Variants in PAM observed in about 807,000 individuals in gnomAD.
The protein encoded by PAM is peptidyl-glycine alpha-amidating monooxygenase.
In PAM, 72 loss-of-function variants were observed where a neutral mutation model predicts 122.1. That is an observed-to-expected ratio of 0.59 (90% CI 0.49 to 0.72). PAM has a LOEUF of 0.72. PAM is among the 30% of genes least tolerant of loss of function. The pLI is 0.00. For synonymous variants in PAM, 389 were observed against 404.4 expected (o/e 0.96, Z 0.46); for missense variants, 1,106 against 1,183.7 (o/e 0.93, Z 0.96).
chr5:102,992,355 TTC>T (rs1491386301), intron 16 of PAM, among the ~76,000 whole-genome samples: 1 of 152,236 alleles, frequency 6.6e-6, no homozygotes, highest in South Asian at 2.1e-4. Context: ...CTATTTTTTT[TTC>T]TCTCTTTCCT....
At chr5:102,857,959 C>T (rs1253559314) in intron 1 of PAM, among the ~76,000 whole-genome samples, 1 of 152,150 alleles carries the variant, frequency 6.6e-6, no homozygotes, top group Admixed American at 6.6e-5. Flanking sequence ...CTGGAGTCAG[C>T]AGGCTAGGAT....
At chr5:102,888,951 G>A (rs192097961) in intron 3 of PAM, among the ~76,000 whole-genome samples, 82 of 151,888 alleles carry the variant, frequency 5.4e-4, no homozygotes, top group African/African-American at 1.9e-3. Context: ...AATGTAAAAG[G>A]GGGACAGATT....
In PAM at chr5:102,799,471, C is replaced by T. The variant is rs1429234049; in HGVS notation, c.-374+44123C>T. 2.6e-5 allele frequency among the ~76,000 whole-genome samples: 4 copies of T among 152,194 alleles called. No individual in the cohort carries two copies. The East Asian group carries it at 7.7e-4, about 29-fold the overall frequency. On this transcript the variant is annotated intron_variant, in intron 1 of 25. Transcript: ENST00000438793. ...GGAACATTGTCTCCAGAGTTGGATA[C>T]ACCCAATCAGTTTTAACTATTTCAA... is the stretch of plus-strand genomic sequence containing the variant.
At chr5:102,770,737 T>C (rs1755523684) in intron 1 of PAM, among the ~76,000 whole-genome samples, 1 of 152,144 alleles carries the variant, frequency 6.6e-6, no homozygotes, top group African/African-American at 2.4e-5. Context: ...ATGAATGATC[T>C]TTATTTGCTA....
At chr5:102,800,117 C>G (rs1764308604) in intron 1 of PAM, among the ~76,000 whole-genome samples, 1 of 152,224 alleles carries the variant, frequency 6.6e-6, no homozygotes, top group East Asian at 1.9e-4. Context: ...TCCAGCCACA[C>G]TGGGCTTCCT....
intron 16 of PAM, among the ~76,000 whole-genome samples, chr5:102,993,680 C>T (rs1258205792): frequency 3.3e-5 from 5 of 152,076 alleles, no homozygotes; most frequent in Non-Finnish European, 5.9e-5. Flanking sequence ...AGCCCAATTA[C>T]ATCATCAGGA....
chr5:103,014,075 T>G (rs1164093320), intron 21 of PAM, among the ~76,000 whole-genome samples: 2 of 152,210 alleles, frequency 1.3e-5, no homozygotes, highest in Non-Finnish European at 1.5e-5. Context: ...TTGAACTAAC[T>G]TCCTCATATC....
At chr5:103,000,667 C>T (rs973707288) in intron 16 of PAM, among the ~76,000 whole-genome samples, 1 of 152,136 alleles carries the variant, frequency 6.6e-6, no homozygotes, top group South Asian at 2.1e-4. Flanking sequence ...AGGAAACTTA[C>T]AATCAGGCAG....
At chr5:102,839,341 A>G (rs1430095843) in intron 1 of PAM, among the ~76,000 whole-genome samples, 1 of 152,010 alleles carries the variant, frequency 6.6e-6, no homozygotes, top group African/African-American at 2.4e-5. Context: ...TTTGAAATGC[A>G]TTTAGAGGCT....
intron 14 of PAM, among the ~76,000 whole-genome samples, chr5:102,971,695 G>A (rs186675867): frequency 4.0e-4 from 61 of 152,284 alleles, no homozygotes; most frequent in African/African-American, 1.4e-3. Flanking sequence ...ATTGAGAGAT[G>A]ACACAGGGGT....
At chr5:102,765,032 C>A in intron 1 of PAM, among the ~76,000 whole-genome samples, 1 of 152,226 alleles carries the variant, frequency 6.6e-6, no homozygotes, top group South Asian at 2.1e-4. Context: ...CCATCACTTC[C>A]TTCAAGAGTT....
intron 1 of PAM, among the ~76,000 whole-genome samples, chr5:102,817,112 T>C (rs1770117794): frequency 6.6e-6 from 1 of 152,174 alleles, no homozygotes; most frequent in Non-Finnish European, 1.5e-5. Context: ...TGCTGTTTTC[T>C]TCCTCTTTTT....
At chr5:102,856,559 T>G (rs1337356173) in intron 1 of PAM, among the ~76,000 whole-genome samples, 1 of 152,190 alleles carries the variant, frequency 6.6e-6, no homozygotes, top group Non-Finnish European at 1.5e-5. Context: ...GGAAGCAACA[T>G]TTGTATTAGT....
At chr5:102,822,572 A>C (rs1457826417) in intron 1 of PAM, among the ~76,000 whole-genome samples, 4 of 151,776 alleles carry the variant, frequency 2.6e-5, no homozygotes, top group Admixed American at 2.0e-4. Flanking sequence ...TTTTCTCCTC[A>C]TCAACCTTAT....
chr5:102,817,620 T>C (rs1207507706), intron 1 of PAM, among the ~76,000 whole-genome samples: 4 of 152,130 alleles, frequency 2.6e-5, no homozygotes, highest in Non-Finnish European at 4.4e-5. Context: ...TTTTATTGGA[T>C]GGCACTATCA....
At chr5:102,903,792 G>T (rs1340710983) in intron 4 of PAM, among the ~76,000 whole-genome samples, 1 of 151,604 alleles carries the variant, frequency 6.6e-6, no homozygotes, top group African/African-American at 2.4e-5. Context: ...TACAAAGGGA[G>T]AAATGAGCAA....
intron 1 of PAM, among the ~76,000 whole-genome samples, chr5:102,817,971 G>T (rs147250191): frequency 1.4e-5 from 2 of 142,904 alleles, no homozygotes; most frequent in Non-Finnish European, 1.5e-5. Flanking sequence ...ACCTCTTTCA[G>T]GTCTTTTCTT....
intron 3 of PAM, among the ~76,000 whole-genome samples, chr5:102,898,912 T>G (rs965023129): frequency 1.3e-5 from 2 of 151,704 alleles, no homozygotes; most frequent in Non-Finnish European, 3.0e-5. Flanking sequence ...ACTTACCATC[T>G]TCAGCTTCAT....
At chr5:102,870,817 A>T (rs866503381) in intron 3 of PAM, among the ~76,000 whole-genome samples, 6 of 152,062 alleles carry the variant, frequency 3.9e-5, no homozygotes, top group African/African-American at 1.5e-4. Context: ...CAGCAGAGCC[A>T]TGAAGTGGTG....
Sources: gnomAD v4.1 joint callset for allele counts (sites outside exome capture counted in the v4.1 genomes callset) on GRCh38, gnomAD v4.1.1 for gene constraint, MANE v1.5 for transcripts, NCBI Gene and HGNC (gene_info 2026-07-23, HGNC 2026-07-21) for gene names.